The following TAF1 variants were observed in gnomAD, a reference collection of about 807,000 sequenced individuals.
The protein encoded by TAF1 is TATA-box binding protein associated factor 1.
TAF1 carries 2 observed loss-of-function variants against 138.5 expected under a neutral mutation model. That is an observed-to-expected ratio of 0.01 (90% confidence interval 0.01 to 0.05). TAF1 has a LOEUF of 0.05. TAF1 is among the 10% of genes least tolerant of loss of function. The pLI is 1.00. For missense variants in TAF1, 709 were observed against 1,478.0 expected (o/e 0.48, Z 8.53); for synonymous variants, 437 against 503.2 (o/e 0.87, Z 1.76).
rs376247928 is a variant in TAF1 at position 71,377,838 on chromosome X, C to G, written c.933+17C>G. The G allele has an allele frequency of 8.5e-7, 1 of 1,181,071 alleles. No individual in the cohort carries two copies. Among genetic ancestry groups the G allele is most frequent in the African/African-American group, 1.8e-5 (1 of 56,188 alleles). On this transcript the variant is annotated intron_variant, in intron 6 of 37. Transcript: ENST00000423759. ...GATGATGAAGTAGGCAAAATAGAGA[C>G]CTGAGATTAAGGCCTATGAGAGGAA...
At position 71,376,992 on chromosome X, in the gene TAF1, C is replaced by A. The variant is rs764474845; in HGVS notation, c.515C>A (p.Ala172Asp). 11 of 1,209,829 alleles carry A rather than the reference C, an allele frequency of 9.1e-6. No homozygotes were observed. The highest frequency in any genetic ancestry group is 1.2e-5 in the Non-Finnish European group (11 of 895,253). ...GGCATCATCTTGCCCTCCATCATTG[C>A]CCCTTCCTCTTTGGCCTCAGAGAAA... ...GEGIILPSII[A>D]PSSLASEKVD... is the part of the protein sequence containing the mutation. The change falls in exon 5 of 38, where the codon GCC becomes GAC. Residue 172 changes from alanine to aspartate, a missense_variant. Physicochemically the swap from Ala to Asp is moderately radical, Grantham distance 126. This residue lies in a region of TAF1 where 123 missense variants were observed against 161.6 expected (regional missense o/e 0.76). Coordinates refer to ENST00000423759, the MANE Select transcript of TAF1 (RefSeq NM_004606.5).
intron 13 of TAF1, among the ~76,000 whole-genome samples, chrX:71,483,955 CA>C (rs2147518108): frequency 9.1e-6 from 1 of 110,305 alleles, no homozygotes; most frequent in East Asian, 2.8e-4. Flanking sequence ...GCAAATATCA[CA>C]ACCAGGATAT....
chrX:71,429,274 CAAAA>C (rs11450427), intron 32 of TAF1, among the ~76,000 whole-genome samples: 1 of 99,174 alleles, frequency 1.0e-5, no homozygotes, highest in Non-Finnish European at 2.1e-5. Context: ...GACTCTGTCT[CAAAA>C]AAAAAAGCAG....
chrX:71,410,454 CTT>C (rs57027102), intron 28 of TAF1, among the ~76,000 whole-genome samples: 1 of 70,646 alleles, frequency 1.4e-5, no homozygotes, highest in Non-Finnish European at 2.7e-5. Flanking sequence ...TTTCTTTTTT[CTT>C]TTTTTTTTTT....
intron 13 of TAF1, among the ~76,000 whole-genome samples, chrX:71,495,931 T>G (rs188787953): frequency 2.7e-5 from 3 of 112,048 alleles, no homozygotes; most frequent in Non-Finnish European, 5.6e-5. Context: ...TTGAAAACCT[T>G]GTAAGTTTGG....
chrX:71,524,567 G>C (rs959557514), intron 13 of TAF1, among the ~76,000 whole-genome samples: 2 of 109,695 alleles, frequency 1.8e-5, no homozygotes, highest in African/African-American at 6.7e-5. Context: ...AGAAAAAGCT[G>C]GGTGTGGTGG....
intron 4 of TAF1, 141 bp from the exon 5 acceptor site, chrX:71,376,809 C>A: frequency 1.2e-6 from 1 of 853,971 alleles, no homozygotes; most frequent in Non-Finnish European, 1.6e-6. Flanking sequence ...TTCTGGGTTG[C>A]ATACTAGTAT....
chrX:71,427,649 T>C (rs1296800826), intron 32 of TAF1, among the ~76,000 whole-genome samples: 3 of 111,548 alleles, frequency 2.7e-5, no homozygotes, highest in Non-Finnish European at 1.9e-5. Context: ...ATCCAAGAAA[T>C]GCAATTGGGC....
chrX:71,367,710 T>A, intron 2 of TAF1, 97 bp downstream of exon 2: 1 of 1,012,125 alleles, frequency 9.9e-7, no homozygotes, highest in Non-Finnish European at 1.3e-6. Context: ...TCGCTCTGTC[T>A]CCGAGGTTGG....
downstream of TAF1, among the ~76,000 whole-genome samples, chrX:71,468,699 A>G (rs1357265777): frequency 1.9e-5 from 2 of 106,399 alleles, no homozygotes; most frequent in Non-Finnish European, 3.9e-5. Flanking sequence ...AAAAAAAAAA[A>G]AAATTGAAAC....
At chrX:71,395,048 G>A (rs2034774554) in intron 22 of TAF1, among the ~76,000 whole-genome samples, 2 of 112,009 alleles carry the variant, frequency 1.8e-5, no homozygotes, top group Admixed American at 1.9e-4. Flanking sequence ...ACCCTCAGAA[G>A]GAGTCTTAGA....
chrX:71,503,022 G>C (rs1192188037), intron 13 of TAF1, among the ~76,000 whole-genome samples: 2 of 109,527 alleles, frequency 1.8e-5, no homozygotes, highest in African/African-American at 6.6e-5. Context: ...TGTAATCCCA[G>C]CACTTTTGGA....
At chrX:71,466,641 G>A (rs1414942652), downstream of TAF1, 3 of 112,260 alleles carry the variant, frequency 2.7e-5, no homozygotes, top group Non-Finnish European at 3.7e-5. Context: ...GCCTCTCAAA[G>A]TGCTGGGATT....
intron 3 of TAF1, among the ~76,000 whole-genome samples, 186 bp from the exon 4 acceptor site, chrX:71,374,981 A>G (rs1406819861): frequency 2.8e-5 from 3 of 107,180 alleles, no homozygotes; most frequent in African/African-American, 1.0e-4. Context: ...GCTACTCAGG[A>G]GGCTGAGGCA....
chrX:71,388,815 C>T lies in TAF1; in HGVS notation c.2647C>T (p.Pro883Ser), dbSNP rs1436597694. The part of the protein sequence containing the change: ...TEEEIRAMVS[P>S]EQCCAYYSMI... The stretch of plus-strand genomic sequence containing the variant: ...AGAAGAGATCAGAGCTATGGTGTCA[C>T]CAGAGCAGTGCTGTGCTTATTATAG... The change falls in exon 17 of 38, where the codon CCA (proline) becomes TCA (serine). Residue 883 changes from proline to serine, a missense_variant. Pro to Ser is a moderately conservative substitution (Grantham distance 74). Around this residue, in one of 14 missense-constraint regions of TAF1, gnomAD observed 23 missense variants for 24.4 expected, o/e 0.94. Transcript: ENST00000423759. 2.5e-6 allele frequency: 3 copies of T among 1,209,720 alleles called. No individual in the cohort carries two copies. The highest frequency in any genetic ancestry group is 3.4e-6 in the Non-Finnish European group (3 of 895,208).
At chrX:71,528,989 C>A (rs5936629) in intron 14 of TAF1, among the ~76,000 whole-genome samples, 2 of 110,919 alleles carry the variant, frequency 1.8e-5, no homozygotes, top group Admixed American at 1.9e-4. Context: ...AGACACAGAG[C>A]GCTAATTGGT....
intron 25 of TAF1, among the ~76,000 whole-genome samples, chrX:71,403,344 A>G (rs1255047956): frequency 8.9e-6 from 1 of 111,782 alleles, no homozygotes; most frequent in African/African-American, 3.2e-5. Context: ...TATGTTTTTC[A>G]TGACATTGAA....
chrX:71,477,073 G>C (rs1249037044), intron 13 of TAF1, among the ~76,000 whole-genome samples: 1 of 108,642 alleles, frequency 9.2e-6, no homozygotes, highest in Non-Finnish European at 1.9e-5. Context: ...CGAGTAGCTG[G>C]GATTACCGGT....
chrX:71,473,318 C>G (rs1422858897), intron 13 of TAF1, among the ~76,000 whole-genome samples: 1 of 110,024 alleles, frequency 9.1e-6, no homozygotes, highest in East Asian at 2.8e-4. Context: ...GAATGGATAA[C>G]AGGGGGTTGG....
Sources: gnomAD v4.1 joint callset for allele counts (sites outside exome capture counted in the v4.1 genomes callset) on GRCh38, gnomAD v4.1.1 for gene constraint, gnomAD v4.1.1 regional missense constraint, MANE v1.5 for transcripts, NCBI Gene and HGNC (gene_info 2026-07-23, HGNC 2026-07-21) for gene names.